NT5C2: variants seen among roughly 807,000 people sequenced by gnomAD.
NT5C2 encodes cytosolic purine 5'-nucleotidase.
In NT5C2, 58 loss-of-function variants were observed where a neutral mutation model predicts 76.1. The observed-to-expected ratio is 0.76, with a 90% confidence interval of 0.62 to 0.95. NT5C2 has a LOEUF of 0.95. Ranked by LOEUF, NT5C2 falls within the 40% of genes least tolerant of loss-of-function variation. The pLI, the probability that NT5C2 is intolerant of heterozygous loss-of-function variation, is 0.00. For synonymous variants in NT5C2, 229 were observed against 237.4 expected, an observed-to-expected ratio of 0.96 and a Z score of 0.32; for missense variants, 478 against 690.3, an observed-to-expected ratio of 0.69 and a Z score of 3.45.
chr10:103,117,541 G>C (rs2074632284), intron 4 of NT5C2, among the ~76,000 whole-genome samples: 1 of 152,192 alleles, frequency 6.6e-6, no homozygotes, highest in African/African-American at 2.4e-5. Flanking sequence ...TTGCTATTCA[G>C]GAGTTTGAGG....
chr10:103,097,692 G>C (rs919394811), intron 10 of NT5C2, among the ~76,000 whole-genome samples: 9 of 152,178 alleles, frequency 5.9e-5, no homozygotes, highest in African/African-American at 1.9e-4. Flanking sequence ...ATTACCTTGA[G>C]ATTTCTTGAA....
chr10:103,179,246 C>T (rs2090645961), intron 2 of NT5C2, among the ~76,000 whole-genome samples: 2 of 152,044 alleles, frequency 1.3e-5, no homozygotes, highest in South Asian at 4.1e-4. Flanking sequence ...TGTGCCCAGC[C>T]TCCTCTACTT....
intron 15 of NT5C2, among the ~76,000 whole-genome samples, chr10:103,092,758 G>A (rs1051092295): frequency 6.6e-6 from 1 of 152,082 alleles, no homozygotes; most frequent in African/African-American, 2.4e-5. Context: ...AGCCATCACT[G>A]CCCCAGAATC....
chr10:103,188,667 G>A (rs1449053017), intron 1 of NT5C2, among the ~76,000 whole-genome samples: 1 of 152,068 alleles, frequency 6.6e-6, no homozygotes, highest in Admixed American at 6.6e-5. Context: ...AATTTTTTAC[G>A]ATCAGTTGCC....
chr10:103,163,693 T>C (rs1194613628), intron 3 of NT5C2, among the ~76,000 whole-genome samples: 1 of 147,614 alleles, frequency 6.8e-6, no homozygotes, highest in Admixed American at 6.8e-5. Flanking sequence ...CAGCTTTATA[T>C]GCAATAACTA....
intron 4 of NT5C2, among the ~76,000 whole-genome samples, chr10:103,138,146 G>A (rs145908677): frequency 6.6e-6 from 1 of 152,292 alleles, no homozygotes; most frequent in African/African-American, 2.4e-5. Flanking sequence ...ATTTGTCATG[G>A]AGTTTCAATG....
At chr10:103,094,898 TG>T (rs1225275782) in intron 12 of NT5C2, among the ~76,000 whole-genome samples, 1 of 148,342 alleles carries the variant, frequency 6.7e-6, no homozygotes. Flanking sequence ...AAAAAAAAAT[TG>T]TGTCTATGTA....
At chr10:103,093,945 T>C in intron 14 of NT5C2, 27 bp downstream of exon 14, 6 of 1,562,840 alleles carry the variant, frequency 3.8e-6, no homozygotes, top group Non-Finnish European at 5.3e-6. Flanking sequence ...AGCAAAGACA[T>C]TAAATAAAGG....
At position 103,090,617 on chromosome 10, in the gene NT5C2, A is replaced by AT; in HGVS notation, c.1442dup (p.His481GlnfsTer7). 1 of 1,613,134 alleles carries AT rather than the reference A, an allele frequency of 6.2e-7. No individual in the cohort carries two copies. The highest frequency in any genetic ancestry group is 8.5e-7 in the Non-Finnish European group (1 of 1,179,504). ...CATTACAGCTTTAACTCACCAAGAC[A>AT]TGGGCAGCCCTGAAGAGGTAGCTGA... On this transcript the variant is annotated frameshift_variant, in exon 18 of 19. Coordinates refer to ENST00000404739, the MANE Select transcript of NT5C2 (RefSeq NM_001351169.2). LOFTEE classifies it high-confidence loss of function.
rs1266276091 is a variant in NT5C2 at position 103,090,669 on chromosome 10, G to A, written c.1391C>T (p.Ser464Phe). 1 of 1,614,162 alleles carries A rather than the reference G, an allele frequency of 6.2e-7. No homozygotes were observed. The highest frequency in any genetic ancestry group is 2.2e-5 in the East Asian group (1 of 44,872). The change falls in exon 18 of 19, where the codon TCT (serine) becomes TTT (phenylalanine). Residue 464 changes from serine to phenylalanine, a missense_variant. Physicochemically the swap from Ser to Phe is radical, Grantham distance 155. Transcript: ENST00000404739. ...VMRYADLYAA[S>F]FINLLYYPFS... ...AGGGTAATACAGCAGGTTGATGAAA[G>A]ATGCTGCATAGAGGTCAGCATAACG...
intron 1 of NT5C2, among the ~76,000 whole-genome samples, chr10:103,183,291 A>ATATATATATATTATATATATATATATATC (rs1554841794): frequency 7.8e-6 from 1 of 128,132 alleles, no homozygotes; most frequent in South Asian, 2.6e-4. Context: ...ATATATATAT[A>ATATATATATATTATATATATATATATATC]TATCACACAC....
intron 4 of NT5C2, among the ~76,000 whole-genome samples, chr10:103,112,025 G>A (rs1298558772): frequency 6.6e-6 from 1 of 152,104 alleles, no homozygotes; most frequent in Non-Finnish European, 1.5e-5. Context: ...GTATTATTGT[G>A]TATTATTTAC....
At chr10:103,130,055 G>C (rs1054613906) in intron 4 of NT5C2, among the ~76,000 whole-genome samples, 4 of 151,580 alleles carry the variant, frequency 2.6e-5, no homozygotes, top group African/African-American at 9.7e-5. Context: ...TGGGAGGTGT[G>C]CCCAACAGCT....
rs540297591 is a variant in NT5C2 at position 103,170,497 on chromosome 10, ACACACACACAAG to A, written c.101+4349_101+4360del. 9.9e-5 allele frequency among the ~76,000 whole-genome samples: 15 copies of A among 151,106 alleles called. No individual in the cohort carries two copies. The East Asian group carries it at 2.7e-3, about 27-fold the overall frequency. Reference sequence around the variant, plus strand: ...GGAGTATACTCATTCAGGCTATGATACACACACACAAGCACACACACATGCACACTTTTTTTT... The same window carrying A: ...GGAGTATACTCATTCAGGCTATGATACACACACACATGCACACTTTTTTTT... On this transcript the variant is annotated intron_variant, in intron 3 of 18. Coordinates refer to ENST00000404739, the MANE Select transcript of NT5C2 (RefSeq NM_001351169.2).
intron 1 of NT5C2, among the ~76,000 whole-genome samples, chr10:103,183,261 T>A (rs1331542382): frequency 2.6e-4 from 12 of 45,514 alleles, no homozygotes; most frequent in East Asian, 8.5e-4. Context: ...TGTGTGTGTG[T>A]GATATATATA....
chr10:103,149,847 C>T (rs957020674), intron 3 of NT5C2, among the ~76,000 whole-genome samples: 35 of 148,400 alleles, frequency 2.4e-4, no homozygotes, highest in East Asian at 1.2e-3. Context: ...TAAACGACAG[C>T]AACTCTAGTA....
At chr10:103,102,324 G>A (rs959815649) in intron 6 of NT5C2, among the ~76,000 whole-genome samples, 2 of 152,146 alleles carry the variant, frequency 1.3e-5, no homozygotes, top group Non-Finnish European at 2.9e-5. Flanking sequence ...GTGCATGACA[G>A]TGAGATAGTC....
intron 3 of NT5C2, among the ~76,000 whole-genome samples, chr10:103,161,422 T>C (rs926447518): frequency 1.3e-5 from 2 of 152,134 alleles, no homozygotes; most frequent in African/African-American, 2.4e-5. Context: ...ATGATGCAAT[T>C]TGCCCGTCTC....
intron 1 of NT5C2, among the ~76,000 whole-genome samples, chr10:103,188,084 C>T (rs1413043641): frequency 2.6e-5 from 4 of 152,192 alleles, no homozygotes; most frequent in South Asian, 2.1e-4. Flanking sequence ...AGGGCGGACG[C>T]GGTGGCTCAC....
Sources: gnomAD v4.1 joint callset for allele counts (sites outside exome capture counted in the v4.1 genomes callset) on GRCh38, gnomAD v4.1.1 for gene constraint, MANE v1.5 for transcripts, NCBI Gene and HGNC (gene_info 2026-07-23, HGNC 2026-07-21) for gene names.